SELENOF: variants seen among roughly 807,000 people sequenced by gnomAD.
SELENOF encodes the protein 15 kDa selenoprotein.
In SELENOF, 16 loss-of-function variants were observed where a neutral mutation model predicts 20.5. That is an observed-to-expected ratio of 0.78 (90% CI 0.53 to 1.19). The LOEUF (loss-of-function observed/expected upper bound fraction) is 1.19. Among genes scored for constraint, SELENOF ranks in the 50% most tolerant of loss-of-function variants. SELENOF has a pLI of 0.00. For synonymous variants in SELENOF, 78 were observed against 74.5 expected (o/e 1.05, Z -0.24); for missense variants, 215 against 194.2 (o/e 1.11, Z -0.64).
At chr1:86,902,988 C>A (rs1005216994) in intron 2 of SELENOF, among the ~76,000 whole-genome samples, 10 of 152,152 alleles carry the variant, frequency 6.6e-5, no homozygotes, top group East Asian at 1.9e-4. Flanking sequence ...TTTTTGGCTT[C>A]ATTTGGCCAG....
At chr1:86,870,690 G>T (rs767549676) in intron 3 of SELENOF, among the ~76,000 whole-genome samples, 9 of 151,802 alleles carry the variant, frequency 5.9e-5, no homozygotes, top group Non-Finnish European at 1.3e-4. Context: ...CGATCTCGGC[G>T]CACTGCAAGC....
At chr1:86,911,994 A>G (rs1258375514) in intron 1 of SELENOF, among the ~76,000 whole-genome samples, 1 of 151,882 alleles carries the variant, frequency 6.6e-6, no homozygotes, top group African/African-American at 2.4e-5. Context: ...CTAGTCTTGA[A>G]CTCCTGACCT....
At chr1:86,888,460 A>G (rs1659285436) in intron 2 of SELENOF, among the ~76,000 whole-genome samples, 2 of 152,258 alleles carry the variant, frequency 1.3e-5, no homozygotes, top group South Asian at 4.1e-4. Flanking sequence ...ATTTTTGTAG[A>G]GATGGGGTCT....
At chr1:86,870,605 T>C (rs1031565538) in intron 3 of SELENOF, among the ~76,000 whole-genome samples, 3 of 150,450 alleles carry the variant, frequency 2.0e-5, no homozygotes, top group African/African-American at 5.0e-5. Flanking sequence ...ACTTAATAAA[T>C]AGTTCACTTA....
At chr1:86,868,232 A>C (rs958389011) in intron 3 of SELENOF, 130 bp from the exon 4 acceptor site, 3 of 426,418 alleles carry the variant, frequency 7.0e-6, no homozygotes, top group Non-Finnish European at 1.2e-5. Flanking sequence ...AAGAAAATTT[A>C]AACATCTGTG....
intron 2 of SELENOF, among the ~76,000 whole-genome samples, chr1:86,897,305 A>T (rs2102115095): frequency 6.6e-6 from 1 of 152,298 alleles, no homozygotes; most frequent in South Asian, 2.1e-4. Flanking sequence ...GGAGGGGTGG[A>T]AAAAAATCCA....
chr1:86,894,201 T>A (rs1659462398), intron 2 of SELENOF, among the ~76,000 whole-genome samples: 1 of 151,624 alleles, frequency 6.6e-6, no homozygotes, highest in African/African-American at 2.4e-5. Flanking sequence ...GTATTACTTT[T>A]AAGCTTTTCT....
intron 4 of SELENOF, 101 bp downstream of exon 4, chr1:86,867,952 C>A (rs572606890): frequency 1.0e-5 from 5 of 483,104 alleles, no homozygotes; most frequent in African/African-American, 4.1e-5. Flanking sequence ...ATAATATTTG[C>A]ACATGTTTAT....
chr1:86,883,455 AATAGTGT>A (rs980032376), intron 2 of SELENOF, among the ~76,000 whole-genome samples: 3 of 151,408 alleles, frequency 2.0e-5, no homozygotes, highest in Admixed American at 2.0e-4. Context: ...TTTTACACTA[AATAGTGT>A]ATAGTGTATG....
intron 2 of SELENOF, among the ~76,000 whole-genome samples, chr1:86,900,789 C>T (rs1380095381): frequency 5.3e-5 from 8 of 152,230 alleles, no homozygotes; most frequent in South Asian, 2.1e-4. Flanking sequence ...CTGCCCGCCT[C>T]GGCCTCCCAA....
chr1:86,875,289 T>C (rs1263299898), intron 3 of SELENOF, among the ~76,000 whole-genome samples: 1 of 151,766 alleles, frequency 6.6e-6, no homozygotes, highest in East Asian at 1.9e-4. Context: ...TATATACATC[T>C]GGACTGCAAA....
At position 86,894,839 on chromosome 1, in the gene SELENOF, AAACAACAAC is replaced by A. The variant is rs371203807; in HGVS notation, c.252+8433_252+8441del. Among the ~76,000 whole-genome samples the A allele has an allele frequency of 1.5e-3, 224 of 151,958 alleles. 1 individual carries two copies. Among genetic ancestry groups the A allele is most frequent in the African/African-American group, 5.0e-3 (209 of 41,416 alleles). ...GTGACAGAGGGAAACCCTATCTCTAAAACAACAACAACAACAACAACAACAAACAAACAA... is the reference window on the plus strand; with the variant it reads ...GTGACAGAGGGAAACCCTATCTCTAAAACAACAACAACAACAAACAAACAA... On this transcript the variant is annotated intron_variant, in intron 2 of 4. Coordinates refer to ENST00000331835, the MANE Select transcript of SELENOF (RefSeq NM_004261.5).
intron 2 of SELENOF, among the ~76,000 whole-genome samples, chr1:86,897,075 T>C (rs113237312): frequency 2.6e-5 from 4 of 151,622 alleles, no homozygotes; most frequent in African/African-American, 9.7e-5. Flanking sequence ...GGAGGCCGAG[T>C]TGGGTGGATC....
At chr1:86,900,665 G>A (rs1399019518) in intron 2 of SELENOF, among the ~76,000 whole-genome samples, 4 of 151,546 alleles carry the variant, frequency 2.6e-5, no homozygotes, top group East Asian at 1.9e-4. Context: ...GGGAGAGGGA[G>A]ACGGAGACAG....
In SELENOF at chr1:86,880,242, T is replaced by C. The variant is rs1479606090; in HGVS notation, c.316+420A>G. On this transcript the variant is annotated intron_variant, in intron 3 of 4. Transcript: ENST00000331835. ...CCTCTGCCTCCCGGGTTCAAGTGAT[T>C]CTCCCGCCTCCGCCTCCCGAGTAGC... Among the ~76,000 whole-genome samples the C allele has an allele frequency of 5.3e-5, 8 of 152,144 alleles. No homozygotes were observed. In the East Asian group the frequency reaches 1.2e-3, roughly 22 times the overall value.
chr1:86,913,245 T>TA (rs1217152568), intron 1 of SELENOF, among the ~76,000 whole-genome samples: 20 of 152,144 alleles, frequency 1.3e-4, no homozygotes, highest in South Asian at 4.2e-4. Context: ...TAAGCTAGGA[T>TA]AAAAAAACGT....
chr1:86,899,000 C>T (rs1461209475), intron 2 of SELENOF, among the ~76,000 whole-genome samples: 2 of 151,416 alleles, frequency 1.3e-5, no homozygotes, highest in Admixed American at 6.6e-5. Context: ...AGGAGCATGC[C>T]GCCTTCAAGC....
chr1:86,878,570 T>C (rs1658981421), intron 3 of SELENOF, among the ~76,000 whole-genome samples: 1 of 152,124 alleles, frequency 6.6e-6, no homozygotes, highest in Non-Finnish European at 1.5e-5. Flanking sequence ...TAGTCCCAGC[T>C]ACTCAGGAGA....
chr1:86,914,228 A>C (rs1352485407), upstream of SELENOF: 2 of 860,854 alleles, frequency 2.3e-6, no homozygotes, highest in African/African-American at 3.3e-5. Context: ...TTTGGAAGTG[A>C]CAGGTATTAA....
Sources: gnomAD v4.1 joint callset for allele counts (sites outside exome capture counted in the v4.1 genomes callset) on GRCh38, gnomAD v4.1.1 for gene constraint, MANE v1.5 for transcripts, NCBI Gene and HGNC (gene_info 2026-07-23, HGNC 2026-07-21) for gene names.